Variants in ERC2 observed in about 807,000 individuals in gnomAD.
ERC2 encodes the protein ERC protein 2.
In ERC2, 42 loss-of-function variants were observed where a neutral mutation model predicts 114.8. The observed-to-expected ratio is 0.37, with a 90% CI of 0.29 to 0.47. The LOEUF is 0.47. ERC2 is among the 20% of genes least tolerant of loss of function. The pLI, the probability that ERC2 is intolerant of heterozygous loss-of-function variation, is 0.99. For synonymous variants in ERC2, 454 were observed against 425.5 expected (o/e 1.07, Z -0.82); for missense variants, 939 against 1,150.7 (o/e 0.82, Z 2.66).
chr3:56,058,874 A>G (rs889319523), intron 7 of ERC2, among the ~76,000 whole-genome samples: 1 of 151,796 alleles, frequency 6.6e-6, no homozygotes, highest in Non-Finnish European at 1.5e-5. Flanking sequence ...TTCTTTCTTT[A>G]TTTACACACA....
At chr3:55,597,918 C>T (rs970913876) in intron 17 of ERC2, among the ~76,000 whole-genome samples, 2 of 152,156 alleles carry the variant, frequency 1.3e-5, no homozygotes, top group African/African-American at 2.4e-5. Flanking sequence ...ACATAATAGA[C>T]GGTAAATAAA....
intron 2 of ERC2, among the ~76,000 whole-genome samples, chr3:56,404,976 A>C (rs2060657756): frequency 6.6e-6 from 1 of 152,166 alleles, no homozygotes; most frequent in South Asian, 2.1e-4. Context: ...GGACTTCAAC[A>C]TGTGGGTGGG....
At chr3:55,727,596 A>G (rs1263366099) in intron 15 of ERC2, among the ~76,000 whole-genome samples, 1 of 152,206 alleles carries the variant, frequency 6.6e-6, no homozygotes, top group Non-Finnish European at 1.5e-5. Flanking sequence ...GCACAATTGG[A>G]ATTTCTGAAC....
At chr3:55,890,789 T>C (rs538445285) in intron 13 of ERC2, among the ~76,000 whole-genome samples, 1 of 152,316 alleles carries the variant, frequency 6.6e-6, no homozygotes, top group South Asian at 2.1e-4. Context: ...AGTTTTAAAA[T>C]AAGTTCCCAG....
chr3:56,040,897 T>C (rs2075154089), intron 7 of ERC2, among the ~76,000 whole-genome samples: 1 of 151,592 alleles, frequency 6.6e-6, no homozygotes, highest in Non-Finnish European at 1.5e-5. Flanking sequence ...TAAGTCCTAT[T>C]GATCTGTCTT....
Position 56,279,392 on chromosome 3 carries a change from G to A in ERC2, c.1074+16627C>T, listed in dbSNP as rs562826018. Among the ~76,000 whole-genome samples, 4 of 152,284 alleles carry A rather than the reference G, an allele frequency of 2.6e-5. No homozygotes were observed. In the East Asian group the frequency reaches 7.7e-4, roughly 29 times the overall value. On this transcript the variant is annotated intron_variant, in intron 3 of 17. Transcript: ENST00000288221. ...ACCTTAATCCAGTCCAGGGCAGGAA[G>A]GACTGAAAGTGAGGATATCCAGAGA...
chr3:56,400,795 T>C (rs2060491349), intron 2 of ERC2, among the ~76,000 whole-genome samples: 1 of 152,210 alleles, frequency 6.6e-6, no homozygotes. Flanking sequence ...GATACGTAAG[T>C]GGAACATCAA....
intron 14 of ERC2, among the ~76,000 whole-genome samples, chr3:55,775,557 T>TAAATA (rs1553668948): frequency 2.8e-5 from 4 of 145,180 alleles, no homozygotes; most frequent in African/African-American, 1.0e-4. Flanking sequence ...AATAAATAAA[T>TAAATA]AAATAAATAA....
At chr3:56,183,230 A>G (rs1328432816) in intron 3 of ERC2, among the ~76,000 whole-genome samples, 1 of 152,214 alleles carries the variant, frequency 6.6e-6, no homozygotes, top group Non-Finnish European at 1.5e-5. Flanking sequence ...TTGTCCATAC[A>G]CAATAAAGCA....
chr3:55,988,929 A>G (rs1271774953), intron 11 of ERC2, among the ~76,000 whole-genome samples: 7 of 152,246 alleles, frequency 4.6e-5, no homozygotes, highest in Non-Finnish European at 8.8e-5. Context: ...TGTTTTGGTC[A>G]GAATACACAT....
chr3:56,243,676 G>T (rs2051475375), intron 3 of ERC2, among the ~76,000 whole-genome samples: 1 of 152,130 alleles, frequency 6.6e-6, no homozygotes, highest in African/African-American at 2.4e-5. Flanking sequence ...ACAAGAAGAT[G>T]AATTTCAACA....
chr3:55,767,497 C>T (rs903699709), intron 14 of ERC2, among the ~76,000 whole-genome samples: 29 of 152,288 alleles, frequency 1.9e-4, no homozygotes, highest in South Asian at 4.1e-4. Context: ...CAGCTCCACT[C>T]GGAGTTACTC....
intron 5 of ERC2, among the ~76,000 whole-genome samples, chr3:56,145,650 C>T (rs548271210): frequency 4.6e-5 from 7 of 152,222 alleles, no homozygotes; most frequent in African/African-American, 1.7e-4. Context: ...TTGCAAGATG[C>T]CAGGATTTCT....
At chr3:55,997,901 T>G (rs2071678146) in intron 10 of ERC2, among the ~76,000 whole-genome samples, 1 of 50,760 alleles carries the variant, frequency 2.0e-5, no homozygotes, top group Non-Finnish European at 4.1e-5. Flanking sequence ...TTTTTTTTTT[T>G]TTTTTTGTGT....
At chr3:56,082,554 G>T (rs1374792305) in intron 6 of ERC2, among the ~76,000 whole-genome samples, 1 of 152,018 alleles carries the variant, frequency 6.6e-6, no homozygotes, top group Non-Finnish European at 1.5e-5. Context: ...ACACTTGATT[G>T]TATGTCAAAG....
intron 3 of ERC2, among the ~76,000 whole-genome samples, chr3:56,251,269 G>A (rs1286098655): frequency 6.6e-6 from 1 of 151,818 alleles, no homozygotes; most frequent in African/African-American, 2.4e-5. Context: ...TCTGTAAAAT[G>A]CAAAAAAGTA....
chr3:56,137,148 T>C (rs1409897874), intron 6 of ERC2, among the ~76,000 whole-genome samples: 1 of 152,140 alleles, frequency 6.6e-6, no homozygotes, highest in Non-Finnish European at 1.5e-5. Context: ...TATAAGATAG[T>C]GAGAAGAAAA....
At chr3:55,932,166 A>G (rs2066136067) in intron 13 of ERC2, among the ~76,000 whole-genome samples, 1 of 152,210 alleles carries the variant, frequency 6.6e-6, no homozygotes, top group African/African-American at 2.4e-5. Context: ...ATGTCTAAGT[A>G]AGGAAAGCTA....
chr3:56,159,889 G>C (rs1224083290), intron 4 of ERC2, among the ~76,000 whole-genome samples: 1 of 152,046 alleles, frequency 6.6e-6, no homozygotes, highest in African/African-American at 2.4e-5. Flanking sequence ...CATACTAAGC[G>C]TTCTTCATCT....
Sources: allele counts gnomAD v4.1 joint callset (sites outside exome capture counted in the v4.1 genomes callset), GRCh38; gene constraint gnomAD v4.1.1; transcripts MANE v1.5; gene names NCBI Gene and HGNC (gene_info 2026-07-23, HGNC 2026-07-21).